The following PDE1C variants were observed in gnomAD, a reference collection of about 807,000 sequenced individuals.
PDE1C encodes the protein dual specificity calcium/calmodulin-dependent 3',5'-cyclic nucleotide phosphodiesterase 1C.
A neutral mutation model predicts 93.1 loss-of-function variants in PDE1C; 62 were observed. The ratio of observed to expected loss-of-function variants is 0.67; its 90% CI spans 0.54 to 0.82. PDE1C has a LOEUF of 0.82. Among genes scored for constraint, PDE1C ranks in the 40% least tolerant of loss-of-function variants. The pLI, the probability that PDE1C is intolerant of heterozygous loss-of-function variation, is 0.00. For synonymous variants in PDE1C, 325 were observed against 310.1 expected (o/e 1.05, Z -0.50); for missense variants, 742 against 884.6 (o/e 0.84, Z 2.04).
intron 1 of PDE1C, chr7:32,052,231 C>T: frequency 2.2e-6 from 1 of 456,772 alleles, no homozygotes; most frequent in Admixed American, 2.4e-5. Flanking sequence ...GAACCATCCC[C>T]AGGAAGCAGA....
chr7:31,841,223 C>CTATATATA (rs1358467591), intron 9 of PDE1C, among the ~76,000 whole-genome samples: 3 of 107,016 alleles, frequency 2.8e-5, no homozygotes, highest in Admixed American at 1.1e-4. Context: ...CTCTCTCTCT[C>CTATATATA]TCTCTATATA....
At chr7:31,714,595 T>C in the PDE1C span, among the ~76,000 whole-genome samples, 1 of 152,132 alleles carries the variant, frequency 6.6e-6, no homozygotes, top group African/African-American at 2.4e-5. Context: ...TACCCAAGAC[T>C]GGGAAGAAAA....
intron 2 of PDE1C, among the ~76,000 whole-genome samples, chr7:32,199,889 A>G (rs530074015): frequency 6.6e-6 from 1 of 152,346 alleles, no homozygotes; most frequent in African/African-American, 2.4e-5. Flanking sequence ...TTGCAGTTCA[A>G]TGATGATTTA....
chr7:31,785,519 T>C (rs1360695354), intron 16 of PDE1C: 2 of 152,208 alleles, frequency 1.3e-5, no homozygotes, highest in African/African-American at 4.8e-5. Flanking sequence ...GGAATTAATA[T>C]GTTTAAACTT....
intron 2 of PDE1C, among the ~76,000 whole-genome samples, chr7:31,921,069 G>A (rs1802563392): frequency 6.6e-6 from 1 of 152,176 alleles, no homozygotes; most frequent in Non-Finnish European, 1.5e-5. Flanking sequence ...AAAAATCAAT[G>A]TCCAAATGAT....
At chr7:31,719,769 G>A in the PDE1C span, among the ~76,000 whole-genome samples, 40 of 152,274 alleles carry the variant, frequency 2.6e-4, no homozygotes, top group Middle Eastern at 6.8e-3. Flanking sequence ...AATATTCGTT[G>A]CCTAAAGCTT....
At chr7:31,898,777 A>T (rs1383766709) in intron 2 of PDE1C, among the ~76,000 whole-genome samples, 1 of 152,206 alleles carries the variant, frequency 6.6e-6, no homozygotes, top group Non-Finnish European at 1.5e-5. Context: ...CTCTCCCAGT[A>T]ATCACAGAAA....
intron 16 of PDE1C, among the ~76,000 whole-genome samples, chr7:31,780,172 C>A (rs1456351407): frequency 6.6e-6 from 1 of 152,150 alleles, no homozygotes; most frequent in Non-Finnish European, 1.5e-5. Flanking sequence ...GGCATGAGGA[C>A]TTTTTAATGT....
At chr7:32,184,412 A>C (rs1027533144) in intron 2 of PDE1C, among the ~76,000 whole-genome samples, 1 of 152,234 alleles carries the variant, frequency 6.6e-6, no homozygotes, top group African/African-American at 2.4e-5. Flanking sequence ...AATGTCCAAC[A>C]ATGATAGACT....
chr7:31,707,202 A>C, the PDE1C span: 2 of 1,613,228 alleles, frequency 1.2e-6, no homozygotes, highest in Non-Finnish European at 1.7e-6. Flanking sequence ...TTTGTTTTGC[A>C]GGTGTGACAT....
At chr7:31,698,004 A>G in the PDE1C span, among the ~76,000 whole-genome samples, 1 of 152,218 alleles carries the variant, frequency 6.6e-6, no homozygotes, top group African/African-American at 2.4e-5. Flanking sequence ...ATGAACAGAT[A>G]AAATTATGAT....
At chr7:31,813,330 T>C (rs1787780862) in intron 15 of PDE1C, among the ~76,000 whole-genome samples, 1 of 152,232 alleles carries the variant, frequency 6.6e-6, no homozygotes, top group Non-Finnish European at 1.5e-5. Flanking sequence ...ACCTTTTCTG[T>C]CACTCTAGAA....
At chr7:32,363,589 G>A (rs1784178199) in intron 1 of PDE1C, among the ~76,000 whole-genome samples, 1 of 152,228 alleles carries the variant, frequency 6.6e-6, no homozygotes, top group Admixed American at 6.5e-5. Flanking sequence ...AGATTTCCAA[G>A]CAGTGTGTTT....
At chr7:31,955,974 C>T (rs1339593310) in intron 2 of PDE1C, among the ~76,000 whole-genome samples, 1 of 152,190 alleles carries the variant, frequency 6.6e-6, no homozygotes, top group Non-Finnish European at 1.5e-5. Flanking sequence ...TTCGGTGACC[C>T]TCTCTGAAGT....
the PDE1C span, among the ~76,000 whole-genome samples, chr7:31,637,105 A>C: frequency 6.6e-6 from 1 of 151,926 alleles, no homozygotes; most frequent in East Asian, 1.9e-4. Flanking sequence ...CATGGTGTAT[A>C]TGTGCCACAT....
In PDE1C at chr7:32,283,676, T is replaced by G. The variant is rs554843302; in HGVS notation, c.85+14975A>C. ...TTCAGTGGGATGATTACAGCTGCTA[T>G]GACAACAAGAGGAGGATGTGATGTC... On this transcript the variant is annotated intron_variant, in intron 1 of 18. Coordinates refer to the PDE1C transcript ENST00000396193. 2.0e-5 allele frequency among the ~76,000 whole-genome samples: 3 copies of G among 152,306 alleles called. 1 individual carries two copies. The South Asian group carries it at 6.2e-4, about 32-fold the overall frequency.
chr7:31,688,450 A>G, the PDE1C span, among the ~76,000 whole-genome samples: 1 of 152,224 alleles, frequency 6.6e-6, no homozygotes, highest in Non-Finnish European at 1.5e-5. Context: ...AAAAATCCAG[A>G]CCAGCTTCTG....
chr7:31,686,964 A>G, the PDE1C span: 1 of 152,184 alleles, frequency 6.6e-6, no homozygotes, highest in Admixed American at 6.5e-5. Flanking sequence ...GCCAAAAAAA[A>G]TCTATCGCAT....
At chr7:32,263,898 A>C (rs930447587) in intron 1 of PDE1C, among the ~76,000 whole-genome samples, 2 of 152,234 alleles carry the variant, frequency 1.3e-5, no homozygotes, top group Non-Finnish European at 2.9e-5. Context: ...AGAGGCACAC[A>C]ATATCAGTCT....
Sources: gnomAD v4.1 joint callset for allele counts (sites outside exome capture counted in the v4.1 genomes callset) on GRCh38, gnomAD v4.1.1 for gene constraint, MANE v1.5 for transcripts, NCBI Gene and HGNC (gene_info 2026-07-23, HGNC 2026-07-21) for gene names.